Variants in FAM174B observed in about 807,000 individuals in gnomAD.
The protein encoded by FAM174B is membrane protein FAM174B.
In FAM174B, 12 loss-of-function variants were observed where a neutral mutation model predicts 10.9. That is an observed-to-expected ratio of 1.10 (90% CI 0.71 to 1.79). The LOEUF (loss-of-function observed/expected upper bound fraction) is 1.79. Among genes scored for constraint, FAM174B ranks in the 40% most tolerant of loss-of-function variants. The pLI is 0.00. For missense variants in FAM174B, 266 were observed against 233.3 expected, an observed-to-expected ratio of 1.14 and a Z score of -0.91; for synonymous variants, 132 against 115.8, an observed-to-expected ratio of 1.14 and a Z score of -0.90.
chr15:92,655,596 G>GAGCGGCCAGGAGCGCGAGCAGCAGC lies in FAM174B; in HGVS notation c.39_63dup (p.Pro22AlafsTer114). 7.8e-7 allele frequency: 1 copy of GAGCGGCCAGGAGCGCGAGCAGCAGC among 1,280,628 alleles called. No individual in the cohort carries two copies. The highest frequency in any genetic ancestry group is 1.6e-5 in the African/African-American group (1 of 64,270). The allele number at this position is 1,280,628 out of a possible 1,614,324, so 79.3% of individuals were successfully genotyped here. A position where few individuals can be genotyped will look rare whatever the true frequency, so the allele number is the denominator to read the frequency against. On this transcript the variant is annotated frameshift_variant, in exon 1 of 3. Coordinates refer to ENST00000327355, the MANE Select transcript of FAM174B (RefSeq NM_207446.3). LOFTEE classifies it high-confidence loss of function. ...TCGGCTCTGCTGGCGCGGGCGGCGGGAGCGGCCAGGAGCGCGAGCAGCAGC... is the reference window on the plus strand; with the variant it reads ...TCGGCTCTGCTGGCGCGGGCGGCGGGAGCGGCCAGGAGCGCGAGCAGCAGCAGCGGCCAGGAGCGCGAGCAGCAGC...
intron 2 of FAM174B, 70 bp downstream of exon 2, chr15:92,630,144 T>C (rs1250793605): frequency 6.5e-7 from 1 of 1,535,716 alleles, no homozygotes; most frequent in Non-Finnish European, 9.0e-7. Flanking sequence ...ATGGACACCA[T>C]GCCTGACCTC....
chr15:92,631,420 A>AATATATTATATATAATATATT (rs2050814993), intron 1 of FAM174B, among the ~76,000 whole-genome samples: 1 of 45,362 alleles, frequency 2.2e-5, no homozygotes. Context: ...TATAATATAT[A>AATATATTATATATAATATATT]ATATATAATA....
In FAM174B at chr15:92,624,822, G is replaced by C. The variant is rs147350980; in HGVS notation, c.477-5363C>G. ...GCAGGAGCAGCGCGTTCTCCCAGCA[G>C]TGTGCCTTTGGGCTGCGCCTGTCAC... On this transcript the variant is annotated intron_variant, in intron 2 of 2. Coordinates refer to ENST00000327355, the MANE Select transcript of FAM174B (RefSeq NM_207446.3). Among the ~76,000 whole-genome samples, 1,071 of 152,364 alleles carry C rather than the reference G, an allele frequency of 7.0e-3. 9 individuals are homozygous for C. Among genetic ancestry groups the C allele is most frequent in the African/African-American group, 0.025 (1,021 of 41,572 alleles).
At chr15:92,645,376 G>A (rs1201625816) in intron 1 of FAM174B, 2 of 152,286 alleles carry the variant, frequency 1.3e-5, no homozygotes, top group African/African-American at 4.8e-5. Context: ...CATCCAGCAT[G>A]GGCCAGACAA....
intron 1 of FAM174B, among the ~76,000 whole-genome samples, chr15:92,641,657 C>T (rs1278818820): frequency 6.6e-6 from 1 of 151,940 alleles, no homozygotes; most frequent in African/African-American, 2.4e-5. Flanking sequence ...ACAAAAATTA[C>T]CTCAAAATGG....
intron 1 of FAM174B, among the ~76,000 whole-genome samples, chr15:92,633,506 C>A (rs996166487): frequency 5.9e-5 from 9 of 152,104 alleles, no homozygotes; most frequent in African/African-American, 1.9e-4. Flanking sequence ...TCTGATGATA[C>A]CCAAGCCTTA....
At chr15:92,631,028 GTATTACA>G (rs1459528305) in intron 1 of FAM174B, among the ~76,000 whole-genome samples, 1 of 17,070 alleles carries the variant, frequency 5.9e-5, no homozygotes, top group Non-Finnish European at 1.0e-4. Context: ...TATATATTAC[GTATTACA>G]TATTACATAT....
In FAM174B at chr15:92,620,341, A is replaced by T. The variant is rs189520416; in HGVS notation, c.477-882T>A. Among the ~76,000 whole-genome samples, 7 of 152,272 alleles carry T rather than the reference A, an allele frequency of 4.6e-5. No individual in the cohort carries two copies. In the East Asian group the frequency reaches 1.2e-3, roughly 25 times the overall value. On this transcript the variant is annotated intron_variant, in intron 2 of 2. Transcript: ENST00000327355. ...GTGAAACCCCATCTCTACTAAAAAT[A>T]CAAAAAATTAGCCGGGAGTGGTGGT...
At chr15:92,623,083 G>A (rs1298502013) in intron 2 of FAM174B, among the ~76,000 whole-genome samples, 4 of 151,926 alleles carry the variant, frequency 2.6e-5, no homozygotes, top group Admixed American at 6.5e-5. Context: ...TTGATCCCGG[G>A]AGGCAGAGGG....
chr15:92,641,484 G>C (rs1280791096), intron 1 of FAM174B, among the ~76,000 whole-genome samples: 1 of 152,234 alleles, frequency 6.6e-6, no homozygotes, highest in East Asian at 1.9e-4. Context: ...CTATATAAAT[G>C]AATGAAGAGC....
At chr15:92,649,876 A>T (rs1185635307) in intron 1 of FAM174B, among the ~76,000 whole-genome samples, 1 of 152,256 alleles carries the variant, frequency 6.6e-6, no homozygotes, top group African/African-American at 2.4e-5. Context: ...ACTGTGGCAT[A>T]TAATATCAAA....
chr15:92,630,246 A>G lies in FAM174B; in HGVS notation c.444T>C (p.Asp148=). The G allele has an allele frequency of 6.2e-7, 1 of 1,608,906 alleles. No homozygotes were observed. Among genetic ancestry groups the G allele is most frequent in the Non-Finnish European group, 8.5e-7 (1 of 1,175,854 alleles). Residue 148 remains aspartate (D), a synonymous_variant, in exon 2 of 3, where the codon GAT becomes GAC. Coordinates refer to ENST00000327355, the MANE Select transcript of FAM174B (RefSeq NM_207446.3). The part of the protein sequence containing the change: ...MAPLNEEDDE[D]EDSTVFDIKY... ...TGATGTCGAATACTGTGGAGTCCTC[A>G]TCTTCATCATCCTCTTCATTTAGTG...
intron 1 of FAM174B, among the ~76,000 whole-genome samples, chr15:92,648,423 C>A (rs999985444): frequency 3.9e-5 from 6 of 152,186 alleles, no homozygotes; most frequent in African/African-American, 1.4e-4. Context: ...CTGGGAAGAA[C>A]ACTGTTTACT....
chr15:92,630,769 A>T (rs1467819095), intron 1 of FAM174B, among the ~76,000 whole-genome samples: 11 of 135,986 alleles, frequency 8.1e-5, no homozygotes, highest in African/African-American at 3.0e-4. Context: ...AATATATAAT[A>T]ATAATATATT....
chr15:92,625,791 C>T (rs370531014), intron 2 of FAM174B, among the ~76,000 whole-genome samples: 12 of 152,314 alleles, frequency 7.9e-5, no homozygotes, highest in African/African-American at 2.9e-4. Context: ...AACATTACCT[C>T]TGTAATAAGA....
chr15:92,619,134 C>A lies in FAM174B; in HGVS notation c.*322G>T, dbSNP rs1371882295. On this transcript the variant is annotated 3_prime_UTR_variant, in exon 3 of 3. Coordinates refer to ENST00000327355, the MANE Select transcript of FAM174B (RefSeq NM_207446.3). ...ATTGTCAACAATTGTCTTAAAAAAA[C>A]TTCTTTAAAATCAACATGTTTCTAC... 1 of 680,028 alleles carries A rather than the reference C, an allele frequency of 1.5e-6. No individual in the cohort carries two copies. Among genetic ancestry groups the A allele is most frequent in the Admixed American group, 2.1e-5 (1 of 46,786 alleles). 42.1% of individuals were successfully genotyped at this position (680,028 alleles called of 1,614,324 possible). A position where few individuals can be genotyped will look rare whatever the true frequency, so the allele number is the denominator to read the frequency against.
At chr15:92,630,419 A>G (rs2050784876) in intron 1 of FAM174B, 74 bp from the exon 2 acceptor site, 1 of 1,407,582 alleles carries the variant, frequency 7.1e-7, no homozygotes, top group Non-Finnish European at 9.7e-7. Flanking sequence ...GCCCCAGAGG[A>G]CCCGACAGCA....
rs553257729 is a variant in FAM174B, at chr15:92,640,951, T to C, written c.345-10606A>G. Among the ~76,000 whole-genome samples, 3 of 152,228 alleles carry C rather than the reference T, an allele frequency of 2.0e-5. No homozygotes were observed. The South Asian group carries it at 6.2e-4, about 32-fold the overall frequency. On this transcript the variant is annotated intron_variant, in intron 1 of 2. Coordinates refer to ENST00000327355, the MANE Select transcript of FAM174B (RefSeq NM_207446.3). ...TGAGCCACCGCGCCTGGCTAACATATTATAAATGTTTTAAAATTTAATCTC... is the reference window on the plus strand; with the variant it reads ...TGAGCCACCGCGCCTGGCTAACATACTATAAATGTTTTAAAATTTAATCTC...
At position 92,617,893 on chromosome 15, in the gene FAM174B, C is replaced by T. The variant is rs367778556; in HGVS notation, c.*1563G>A. 8 of 429,886 alleles carry T rather than the reference C, an allele frequency of 1.9e-5. No homozygotes were observed. Among genetic ancestry groups the T allele is most frequent in the Admixed American group, 4.4e-5 (1 of 22,894 alleles). 26.6% of individuals were successfully genotyped at this position (429,886 alleles called of 1,614,324 possible). A position where few individuals can be genotyped will look rare whatever the true frequency, so the allele number is the denominator to read the frequency against. On this transcript the variant is annotated 3_prime_UTR_variant, in exon 3 of 3. Coordinates refer to ENST00000327355, the MANE Select transcript of FAM174B (RefSeq NM_207446.3). The stretch of plus-strand genomic sequence containing the variant: ...GCCCCCCGTGGCTGGCAATACCATG[C>T]GTGCTGGGCCGGCTGCGCCACCCTC...
Sources: allele counts gnomAD v4.1 joint callset (sites outside exome capture counted in the v4.1 genomes callset), GRCh38; gene constraint gnomAD v4.1.1; transcripts MANE v1.5; gene names NCBI Gene and HGNC (gene_info 2026-07-23, HGNC 2026-07-21).